Variants in GRIK4 observed in about 807,000 individuals in gnomAD.
GRIK4 encodes the protein glutamate ionotropic receptor kainate type subunit 4.
GRIK4 carries 40 observed loss-of-function variants against 104.9 expected under a neutral mutation model. The observed-to-expected ratio is 0.38, with a 90% CI of 0.30 to 0.50. The LOEUF (loss-of-function observed/expected upper bound fraction) is 0.50, where lower values mean the gene tolerates loss of function less well. Among genes scored for constraint, GRIK4 ranks in the 20% least tolerant of loss-of-function variants. The probability of loss-of-function intolerance (pLI) is 0.93; values close to 1 mark genes in which losing one functional copy is unlikely to be tolerated. For missense variants in GRIK4, 1,047 were observed against 1,308.1 expected, an observed-to-expected ratio of 0.80 and a Z score of 3.08; for synonymous variants, 485 against 524.9, an observed-to-expected ratio of 0.92 and a Z score of 1.04.
chr11:120,699,313 G>T (rs1022317577), intron 3 of GRIK4, among the ~76,000 whole-genome samples: 1 of 152,300 alleles, frequency 6.6e-6, no homozygotes, highest in Non-Finnish European at 1.5e-5. Context: ...TCCTGCTCTT[G>T]AGCATGGAGG....
intron 3 of GRIK4, among the ~76,000 whole-genome samples, chr11:120,666,606 A>G (rs373549950): frequency 8.5e-5 from 13 of 152,302 alleles, no homozygotes; most frequent in African/African-American, 2.9e-4. Flanking sequence ...GGATGGGGCT[A>G]TTGTTCCATA....
chr11:120,973,034 G>A (rs902925965), intron 19 of GRIK4, among the ~76,000 whole-genome samples: 1 of 152,074 alleles, frequency 6.6e-6, no homozygotes, highest in Non-Finnish European at 1.5e-5. Context: ...TGACACAACC[G>A]CAAACCTGAA....
chr11:120,956,365 C>G lies in GRIK4; in HGVS notation c.1701-415C>G, dbSNP rs559171103. Among the ~76,000 whole-genome samples the G allele has an allele frequency of 2.6e-5, 4 of 152,182 alleles. No individual in the cohort carries two copies. The South Asian group carries it at 8.3e-4, about 32-fold the overall frequency. Reference sequence around the variant, plus strand: ...TACAGGCACACACCACCATACCTGGCTAATTTTTTTGTATTTTTTAGTAGA... The same window carrying G: ...TACAGGCACACACCACCATACCTGGGTAATTTTTTTGTATTTTTTAGTAGA... On this transcript the variant is annotated intron_variant, in intron 15 of 20. Coordinates refer to ENST00000527524, the MANE Select transcript of GRIK4 (RefSeq NM_014619.5). This position sits in a 1 kb window ranked among gnomAD's most constrained non-coding sequence, Gnocchi z 4.6.
chr11:120,560,253 T>C (rs1293874638), intron 1 of GRIK4, among the ~76,000 whole-genome samples: 1 of 152,102 alleles, frequency 6.6e-6, no homozygotes, highest in Non-Finnish European at 1.5e-5. Context: ...TGTTTCACCA[T>C]GTTGGCCAGG....
intron 13 of GRIK4, among the ~76,000 whole-genome samples, chr11:120,927,483 C>T (rs1943374135): frequency 6.8e-6 from 1 of 147,032 alleles, no homozygotes; most frequent in Admixed American, 6.9e-5. Flanking sequence ...AGGAGAACTG[C>T]TTGAACCTGA....
intron 3 of GRIK4, among the ~76,000 whole-genome samples, chr11:120,800,414 G>A (rs922227562): frequency 1.3e-5 from 2 of 152,128 alleles, no homozygotes; most frequent in African/African-American, 2.4e-5. Context: ...TGACTGTCTC[G>A]GTTTCTGCTT....
intron 1 of GRIK4, among the ~76,000 whole-genome samples, chr11:120,558,979 C>G (rs935939497): frequency 3.3e-5 from 5 of 152,118 alleles, no homozygotes; most frequent in African/African-American, 9.7e-5. Context: ...CATATTTTTG[C>G]TGTGTTTATT....
chr11:120,753,421 C>T (rs1472339949), intron 3 of GRIK4, among the ~76,000 whole-genome samples: 1 of 150,780 alleles, frequency 6.6e-6, no homozygotes, highest in Non-Finnish European at 1.5e-5. Flanking sequence ...CCTAATTCTA[C>T]CTTTGTCACT....
rs942915452 is a variant in GRIK4 at position 120,889,834 on chromosome 11, C to A, written c.1165-8698C>A. On this transcript the variant is annotated intron_variant, in intron 11 of 20. Coordinates refer to ENST00000527524, the MANE Select transcript of GRIK4 (RefSeq NM_014619.5). Reference sequence around the variant, plus strand: ...GGTCAGGCTGGTCTTGAACTCCTGACCTCAGGTAATCCGCCTGCCTTGGCC... The same window carrying A: ...GGTCAGGCTGGTCTTGAACTCCTGAACTCAGGTAATCCGCCTGCCTTGGCC... Among the ~76,000 whole-genome samples the A allele has an allele frequency of 3.3e-5, 5 of 152,104 alleles. No individual in the cohort carries two copies. In the East Asian group the frequency reaches 9.7e-4, roughly 29 times the overall value.
chr11:120,907,758 G>A (rs1942900874), intron 13 of GRIK4, among the ~76,000 whole-genome samples: 1 of 152,144 alleles, frequency 6.6e-6, no homozygotes, highest in Non-Finnish European at 1.5e-5. Flanking sequence ...ATGCACGGTG[G>A]GCGCACAATG....
chr11:120,741,195 A>G (rs572599546), intron 3 of GRIK4, among the ~76,000 whole-genome samples: 31 of 152,080 alleles, frequency 2.0e-4, no homozygotes, highest in South Asian at 8.3e-4. Flanking sequence ...CAATTGAGGA[A>G]TTAGAGACAC....
intron 3 of GRIK4, among the ~76,000 whole-genome samples, chr11:120,724,753 A>C (rs1950998639): frequency 6.6e-6 from 1 of 152,242 alleles, no homozygotes; most frequent in South Asian, 2.1e-4. Flanking sequence ...ATTTTCCATT[A>C]ATGTAACTAC....
intron 11 of GRIK4, among the ~76,000 whole-genome samples, chr11:120,875,475 A>C (rs546386420): frequency 6.6e-6 from 1 of 152,258 alleles, no homozygotes; most frequent in East Asian, 1.9e-4. Flanking sequence ...ACTGGGGTGA[A>C]AGGGGAGGCA....
intron 17 of GRIK4, among the ~76,000 whole-genome samples, chr11:120,961,287 CAG>C (rs2134730402): frequency 6.6e-6 from 1 of 152,236 alleles, no homozygotes; most frequent in South Asian, 2.1e-4. Context: ...CAGCCGGTGC[CAG>C]AGTGGTGGTA....
At chr11:120,809,584 G>A (rs1394015319) in intron 4 of GRIK4, among the ~76,000 whole-genome samples, 1 of 152,238 alleles carries the variant, frequency 6.6e-6, no homozygotes, top group Non-Finnish European at 1.5e-5. Context: ...GTTCAGTTGA[G>A]CAAACATTTA....
chr11:120,826,619 C>T (rs1044830049), intron 6 of GRIK4, among the ~76,000 whole-genome samples: 16 of 152,156 alleles, frequency 1.1e-4, no homozygotes, highest in African/African-American at 2.4e-4. Flanking sequence ...ACACAGAGGC[C>T]GGGGTCTTCC....
rs111551395 is a variant in GRIK4, at chr11:120,764,943, C to A, written c.83-37750C>A. On this transcript the variant is annotated intron_variant, in intron 3 of 20. Transcript: ENST00000527524. The stretch of plus-strand genomic sequence containing the variant: ...CTGACGATTATGTGTCTTGGGGTTG[C>A]TCTTCTCTAGGAGTATCTTTGTGGT... 2.2e-3 allele frequency among the ~76,000 whole-genome samples: 342 copies of A among 152,176 alleles called. 6 individuals are homozygous for A. The highest frequency in any genetic ancestry group is 7.9e-3 in the African/African-American group (330 of 41,528).
intron 6 of GRIK4, among the ~76,000 whole-genome samples, chr11:120,820,578 G>A (rs960244404): frequency 6.6e-6 from 1 of 152,198 alleles, no homozygotes; most frequent in Non-Finnish European, 1.5e-5. Context: ...GCTCCCGGCG[G>A]CAGCTGTGCA....
intron 1 of GRIK4, among the ~76,000 whole-genome samples, chr11:120,559,672 T>C (rs1222042826): frequency 6.6e-6 from 1 of 152,214 alleles, no homozygotes; most frequent in Non-Finnish European, 1.5e-5. Context: ...TGTGCACTAA[T>C]AGACACTTCT....
Sources: gnomAD v4.1 joint callset for allele counts (sites outside exome capture counted in the v4.1 genomes callset) on GRCh38, gnomAD v4.1.1 for gene constraint, Gnocchi (gnomAD v3.1) non-coding constraint, MANE v1.5 for transcripts, NCBI Gene and HGNC (gene_info 2026-07-23, HGNC 2026-07-21) for gene names.